PLCB1: variants seen among roughly 807,000 people sequenced by gnomAD.
The protein encoded by PLCB1 is phospholipase C beta 1.
In PLCB1, 46 loss-of-function variants were observed where a neutral mutation model predicts 161.8. That is an observed-to-expected ratio of 0.28 (90% CI 0.22 to 0.36). The LOEUF is 0.36. Ranked by LOEUF, PLCB1 falls within the 10% of genes least tolerant of loss-of-function variation. PLCB1 has a pLI of 1.00. For missense variants in PLCB1, 1,016 were observed against 1,472.5 expected, an observed-to-expected ratio of 0.69 and a Z score of 5.07; for synonymous variants, 517 against 503.7, an observed-to-expected ratio of 1.03 and a Z score of -0.35.
chr20:8,781,446 A>G (rs1022505713), intron 27 of PLCB1, among the ~76,000 whole-genome samples: 1 of 128,718 alleles, frequency 7.8e-6, no homozygotes, highest in African/African-American at 2.8e-5. Context: ...ACACACACAC[A>G]CAAAGATCCA....
chr20:8,258,822 G>A (rs1363331578), intron 2 of PLCB1, among the ~76,000 whole-genome samples: 2 of 151,676 alleles, frequency 1.3e-5, no homozygotes, highest in Non-Finnish European at 2.9e-5. Flanking sequence ...AGTATACTTT[G>A]CACAGAGTAA....
At chr20:8,879,879 A>T (rs1987910204) in intron 31 of PLCB1, among the ~76,000 whole-genome samples, 2 of 152,132 alleles carry the variant, frequency 1.3e-5, no homozygotes, top group South Asian at 4.1e-4. Context: ...AAAGCTGCAG[A>T]TGGAGGATGC....
At chr20:8,742,296 G>A (rs1409582680) in intron 23 of PLCB1, among the ~76,000 whole-genome samples, 2 of 152,000 alleles carry the variant, frequency 1.3e-5, no homozygotes, top group African/African-American at 2.4e-5. Context: ...ATTTTATTCA[G>A]AGGAAAAACT....
Position 8,270,588 on chromosome 20 carries a change from G to A in PLCB1, c.178-100794G>A, listed in dbSNP as rs962700398. ...TATATGTGCTTAGATTGATAGATAAGTAGATTGATTAATCAGTCAATATAC... is the reference window on the plus strand; with the variant it reads ...TATATGTGCTTAGATTGATAGATAAATAGATTGATTAATCAGTCAATATAC... On this transcript the variant is annotated intron_variant, in intron 2 of 31. Coordinates refer to ENST00000338037, the MANE Select transcript of PLCB1 (RefSeq NM_015192.4). Among the ~76,000 whole-genome samples the A allele has an allele frequency of 3.9e-5, 6 of 152,076 alleles. No individual in the cohort carries two copies. In the East Asian group the frequency reaches 5.8e-4, roughly 15 times the overall value.
intron 2 of PLCB1, among the ~76,000 whole-genome samples, chr20:8,368,528 C>CAAAAAAAAA (rs1216338206): frequency 6.3e-5 from 4 of 63,806 alleles, no homozygotes; most frequent in African/African-American, 1.8e-4. Flanking sequence ...CTCTGTCTCT[C>CAAAAAAAAA]AAAAAAAAAA....
chr20:8,549,862 A>G (rs6077377), intron 3 of PLCB1, among the ~76,000 whole-genome samples: 81,171 of 152,052 alleles, frequency 0.53, 22,121 homozygotes, highest in African/African-American at 0.59. Flanking sequence ...ATGAGCCACC[A>G]CACCCGCGGA....
intron 26 of PLCB1, among the ~76,000 whole-genome samples, chr20:8,766,190 C>G (rs1224273509): frequency 6.6e-6 from 1 of 152,062 alleles, no homozygotes; most frequent in Admixed American, 6.6e-5. Context: ...TAAACATGAC[C>G]TACCCAATCA....
intron 3 of PLCB1, among the ~76,000 whole-genome samples, chr20:8,589,845 T>C (rs1272179215): frequency 6.6e-6 from 1 of 151,598 alleles, no homozygotes; most frequent in Non-Finnish European, 1.5e-5. Flanking sequence ...TCTCAAACTC[T>C]TGGCCTCAAG....
intron 3 of PLCB1, among the ~76,000 whole-genome samples, chr20:8,499,362 A>G (rs181170770): frequency 3.9e-5 from 6 of 152,340 alleles, no homozygotes; most frequent in Admixed American, 2.0e-4. Flanking sequence ...TTGAACATCA[A>G]TATAGGATTG....
chr20:8,543,994 T>C (rs1162536699), intron 3 of PLCB1, among the ~76,000 whole-genome samples: 2 of 152,110 alleles, frequency 1.3e-5, no homozygotes, highest in African/African-American at 4.8e-5. Flanking sequence ...AATGGACTAA[T>C]ATACAACATC....
intron 2 of PLCB1, among the ~76,000 whole-genome samples, chr20:8,241,413 ACG>A (rs1980605206): frequency 6.6e-6 from 1 of 151,562 alleles, no homozygotes; most frequent in Admixed American, 6.6e-5. Context: ...CAGCACTTGA[ACG>A]CTCTCGTGTT....
chr20:8,490,721 A>G (rs1982908352), intron 3 of PLCB1, among the ~76,000 whole-genome samples: 2 of 152,272 alleles, frequency 1.3e-5, no homozygotes, highest in African/African-American at 4.8e-5. Context: ...CCTAATGACT[A>G]ATGATGTGAA....
chr20:8,706,746 T>C (rs1568567759), intron 11 of PLCB1, among the ~76,000 whole-genome samples: 1 of 152,186 alleles, frequency 6.6e-6, no homozygotes. Flanking sequence ...TGGGGTTTAA[T>C]CTTGGATTCT....
rs556242292 is a variant in PLCB1, at chr20:8,143,007, T to C, written c.100-7287T>C. The stretch of plus-strand genomic sequence containing the variant: ...TGGCATCTCTGAATCCTGACTTCAT[T>C]ATTATCTGACACCACTCCCCTTTCT... On this transcript the variant is annotated intron_variant, in intron 1 of 31. Coordinates refer to ENST00000338037, the MANE Select transcript of PLCB1 (RefSeq NM_015192.4). Among the ~76,000 whole-genome samples, 7 of 152,334 alleles carry C rather than the reference T, an allele frequency of 4.6e-5. No homozygotes were observed. In the South Asian group the frequency reaches 1.5e-3, roughly 32 times the overall value.
intron 31 of PLCB1, among the ~76,000 whole-genome samples, chr20:8,863,806 A>C (rs1987334970): frequency 6.6e-6 from 1 of 152,216 alleles, no homozygotes; most frequent in Non-Finnish European, 1.5e-5. Flanking sequence ...AAGAAGGCAA[A>C]CCACACAAAG....
chr20:8,540,760 G>A (rs1985279810), intron 3 of PLCB1, among the ~76,000 whole-genome samples: 1 of 152,084 alleles, frequency 6.6e-6, no homozygotes, highest in Admixed American at 6.6e-5. Flanking sequence ...CTTCTCCACA[G>A]TTGTTGACAG....
intron 3 of PLCB1, among the ~76,000 whole-genome samples, chr20:8,376,276 G>A (rs981077017): frequency 1.3e-5 from 2 of 152,156 alleles, no homozygotes; most frequent in East Asian, 1.9e-4. Context: ...TTTCAGATAT[G>A]TAGTATTAAT....
chr20:8,396,614 C>A (rs1194511979), intron 3 of PLCB1, among the ~76,000 whole-genome samples: 1 of 151,946 alleles, frequency 6.6e-6, no homozygotes, highest in Admixed American at 6.6e-5. Flanking sequence ...GCAAGTGAGT[C>A]TTTAATTTTG....
chr20:8,274,711 G>T (rs1982445016), intron 2 of PLCB1, among the ~76,000 whole-genome samples: 1 of 152,014 alleles, frequency 6.6e-6, no homozygotes, highest in Admixed American at 6.6e-5. Context: ...AAGTGTATGT[G>T]TTTTATGAGA....
Sources: allele counts gnomAD v4.1 joint callset (sites outside exome capture counted in the v4.1 genomes callset), GRCh38; gene constraint gnomAD v4.1.1; transcripts MANE v1.5; gene names NCBI Gene and HGNC (gene_info 2026-07-23, HGNC 2026-07-21).